Variants in AMMECR1 observed in about 807,000 individuals in gnomAD.
The protein encoded by AMMECR1 is nuclear protein AMMECR1.
Under a neutral mutation model 22.5 loss-of-function variants are expected in AMMECR1, and 3 were observed. The ratio of observed to expected loss-of-function variants is 0.13; its 90% CI spans 0.06 to 0.35. The LOEUF (loss-of-function observed/expected upper bound fraction) is 0.35, where lower values mean the gene tolerates loss of function less well. Among genes scored for constraint, AMMECR1 ranks in the 10% least tolerant of loss-of-function variants. The probability of loss-of-function intolerance (pLI) is 1.00; values close to 1 mark genes in which losing one functional copy is unlikely to be tolerated. For synonymous variants in AMMECR1, 130 were observed against 116.7 expected, an observed-to-expected ratio of 1.11 and a Z score of -0.74; for missense variants, 235 against 278.7, an observed-to-expected ratio of 0.84 and a Z score of 1.12.
At chrX:110,224,272 T>C (rs1339715406) in intron 2 of AMMECR1, among the ~76,000 whole-genome samples, 1 of 111,404 alleles carries the variant, frequency 9.0e-6, no homozygotes, top group Non-Finnish European at 1.9e-5. Flanking sequence ...TCATTTCATT[T>C]TCTTTCATTT....
At chrX:110,326,647 A>G (rs1476689253) in intron 2 of AMMECR1, among the ~76,000 whole-genome samples, 1 of 112,128 alleles carries the variant, frequency 8.9e-6, no homozygotes, top group Non-Finnish European at 1.9e-5. Flanking sequence ...AGTGTTGTTC[A>G]AGTCTTCTGT....
intron 2 of AMMECR1, among the ~76,000 whole-genome samples, chrX:110,245,642 T>C (rs1432019663): frequency 9.0e-6 from 1 of 110,802 alleles, no homozygotes; most frequent in Non-Finnish European, 1.9e-5. Context: ...AATCTTCTTC[T>C]TTGTGAAAAA....
At chrX:110,425,969 C>T (rs759114431) in intron 2 of AMMECR1, among the ~76,000 whole-genome samples, 4 of 110,786 alleles carry the variant, frequency 3.6e-5, no homozygotes, top group African/African-American at 6.7e-5. Flanking sequence ...AAGTTTAGTG[C>T]GTGCGTGCGC....
intron 3 of AMMECR1, among the ~76,000 whole-genome samples, chrX:110,214,451 G>A (rs1482911938): frequency 9.0e-6 from 1 of 111,064 alleles, no homozygotes; most frequent in Non-Finnish European, 1.9e-5. Flanking sequence ...ATATAGTGGA[G>A]TACACAGTAC....
intron 2 of AMMECR1, among the ~76,000 whole-genome samples, chrX:110,222,724 A>C (rs2067510592): frequency 9.0e-6 from 1 of 110,943 alleles, no homozygotes; most frequent in Admixed American, 9.6e-5. Flanking sequence ...GAAAGTACAA[A>C]AAAGGGGGAC....
intron 2 of AMMECR1, among the ~76,000 whole-genome samples, chrX:110,228,681 G>A (rs1339572917): frequency 9.0e-6 from 1 of 110,898 alleles, no homozygotes; most frequent in Non-Finnish European, 1.9e-5. Flanking sequence ...TATAAATTAA[G>A]CAGATAAGGG....
intron 3 of AMMECR1, among the ~76,000 whole-genome samples, chrX:110,204,389 CT>C (rs1157131109): frequency 1.8e-5 from 2 of 111,289 alleles, no homozygotes; most frequent in Non-Finnish European, 3.8e-5. Flanking sequence ...GGAAGAATGT[CT>C]CCCTATCTGT....
intron 2 of AMMECR1, among the ~76,000 whole-genome samples, chrX:110,349,762 A>G (rs1401203093): frequency 4.5e-5 from 5 of 111,922 alleles, no homozygotes; most frequent in Non-Finnish European, 9.4e-5. Flanking sequence ...TATTATCATT[A>G]TAGTTTTATC....
intron 2 of AMMECR1, among the ~76,000 whole-genome samples, chrX:110,364,007 G>A (rs1475844736): frequency 8.9e-6 from 1 of 111,751 alleles, no homozygotes; most frequent in Non-Finnish European, 1.9e-5. Context: ...CACAAACTTG[G>A]TGGCTTAAAA....
chrX:110,197,519 ATACT>A lies in AMMECR1; in HGVS notation c.*997_*1000del, dbSNP rs2067376576. 8.9e-6 allele frequency: 1 copy of A among 112,151 alleles called. No homozygotes were observed. The highest frequency in any genetic ancestry group is 9.4e-5 in the Admixed American group (1 of 10,596). The allele number at this position is 112,151 out of a possible 1,213,427, so 9.2% of individuals were successfully genotyped here. ...AATAATTTTTTTTCAGCTTAAAAAA[ATACT>A]TAAGAGTAAGGAATTTGTCTAATCT... On this transcript the variant is annotated 3_prime_UTR_variant, in exon 6 of 6. Coordinates refer to ENST00000262844, the MANE Select transcript of AMMECR1 (RefSeq NM_015365.3).
Position 110,278,799 on chromosome X carries a change from C to A in AMMECR1, c.474-14200G>T, listed in dbSNP as rs192990370. Among the ~76,000 whole-genome samples the A allele has an allele frequency of 3.3e-3, 369 of 111,952 alleles. 4 individuals carry two copies. Among genetic ancestry groups the A allele is most frequent in the African/African-American group, 0.011 (352 of 30,855 alleles). On this transcript the variant is annotated intron_variant, in intron 1 of 5. Coordinates refer to ENST00000262844, the MANE Select transcript of AMMECR1 (RefSeq NM_015365.3). ...CTGGAAATGGCAGTGACCCACTCAGCTTATCACATCAATACAAGAAAGCAA... is the reference window on the plus strand; with the variant it reads ...CTGGAAATGGCAGTGACCCACTCAGATTATCACATCAATACAAGAAAGCAA...
At chrX:110,326,341 T>G (rs1319635139) in intron 2 of AMMECR1, among the ~76,000 whole-genome samples, 1 of 112,403 alleles carries the variant, frequency 8.9e-6, no homozygotes, top group Admixed American at 9.4e-5. Flanking sequence ...CCAAAGTATT[T>G]TCTAATTTCC....
At chrX:110,410,884 G>A (rs1056936499) in intron 2 of AMMECR1, among the ~76,000 whole-genome samples, 1 of 112,278 alleles carries the variant, frequency 8.9e-6, no homozygotes, top group South Asian at 3.7e-4. Flanking sequence ...AAAGCTCCAC[G>A]ATGGCAGCTG....
At chrX:110,229,003 A>G (rs766928529) in intron 2 of AMMECR1, among the ~76,000 whole-genome samples, 1 of 112,648 alleles carries the variant, frequency 8.9e-6, no homozygotes, top group African/African-American at 3.2e-5. Context: ...TTGTGCGTGT[A>G]TAACTACAAA....
intron 4 of AMMECR1, 60 bp downstream of exon 4, chrX:110,202,386 C>A: frequency 1.1e-6 from 1 of 923,550 alleles, no homozygotes; most frequent in South Asian, 2.1e-5. Context: ...TAACGCATTT[C>A]AGTTTGTATA....
intron 2 of AMMECR1, among the ~76,000 whole-genome samples, chrX:110,344,281 G>C (rs955633080): frequency 1.8e-5 from 2 of 112,137 alleles, no homozygotes; most frequent in African/African-American, 6.5e-5. Context: ...TGGGAAAACT[G>C]GCTAGCCATA....
At chrX:110,294,570 T>C (rs1235135313) in intron 1 of AMMECR1, among the ~76,000 whole-genome samples, 5 of 111,817 alleles carry the variant, frequency 4.5e-5, no homozygotes, top group African/African-American at 1.6e-4. Context: ...TGGTTCAAGA[T>C]GCGTTAAAAC....
chrX:110,257,387 A>T (rs2067716151), intron 2 of AMMECR1, among the ~76,000 whole-genome samples: 2 of 112,342 alleles, frequency 1.8e-5, no homozygotes, highest in Admixed American at 1.9e-4. Flanking sequence ...ACTTGGTTCT[A>T]GCTAATGTTT....
intron 2 of AMMECR1, among the ~76,000 whole-genome samples, chrX:110,260,235 T>C (rs1031622993): frequency 1.8e-5 from 2 of 111,672 alleles, no homozygotes; most frequent in African/African-American, 6.5e-5. Context: ...ATAGTCTATT[T>C]ATAATAGTTC....
Sources: gnomAD v4.1 joint callset for allele counts (sites outside exome capture counted in the v4.1 genomes callset) on GRCh38, gnomAD v4.1.1 for gene constraint, MANE v1.5 for transcripts, NCBI Gene and HGNC (gene_info 2026-07-23, HGNC 2026-07-21) for gene names.